The following FAM220A variants were observed in gnomAD, a reference collection of about 807,000 sequenced individuals.
FAM220A encodes the protein protein FAM220A.
For synonymous variants in FAM220A, 141 were observed against 130.7 expected (o/e 1.08, Z -0.54); for missense variants, 392 against 321.6 (o/e 1.22, Z -1.68).
rs375783206 is a variant in FAM220A, at chr7:6,330,948, C to T, written c.207G>A (p.Pro69=). The T allele has an allele frequency of 1.1e-4, 176 of 1,614,246 alleles. No homozygotes were observed. Among genetic ancestry groups the T allele is most frequent in the Non-Finnish European group, 1.3e-4 (155 of 1,180,050 alleles). The change falls in exon 2 of 2, where the codon CCG becomes CCA. Residue 69 remains proline, a synonymous_variant. Coordinates refer to ENST00000313324, the MANE Select transcript of FAM220A (RefSeq NM_001037163.2). ...TGTGAAGCCAGAGGCCAGCCCCGCT[C>T]GGATCCTTTCTCATTTCCAGTGATA... ...EALSLEMRKD[P]SGAGLWLHSG...
In FAM220A at chr7:6,331,124, A is replaced by G; in HGVS notation, c.31T>C (p.Cys11Arg). Residue 11 changes from cysteine (C) to arginine (R), a missense_variant, in exon 2 of 2, where the codon TGC becomes CGC. Coordinates refer to ENST00000313324, the MANE Select transcript of FAM220A (RefSeq NM_001037163.2). MRDRRGPLGT[C>R]LAQVQQAGGG... Reference sequence around the variant, plus strand: ...CCGGCCTGCTGCACTTGTGCCAGGCAGGTGCCGAGGGGCCCTCTTCTGTCC... The same window carrying G: ...CCGGCCTGCTGCACTTGTGCCAGGCGGGTGCCGAGGGGCCCTCTTCTGTCC... 6.2e-7 allele frequency: 1 copy of G among 1,613,204 alleles called. No individual in the cohort carries two copies. Among genetic ancestry groups the G allele is most frequent in the African/African-American group, 1.3e-5 (1 of 75,074 alleles).
chr7:6,334,408 T>C (rs545096243), intron 1 of FAM220A, among the ~76,000 whole-genome samples: 5 of 151,716 alleles, frequency 3.3e-5, no homozygotes, highest in South Asian at 2.1e-4. Context: ...TGGTGGAGCA[T>C]GCCTGTAGTC....
At chr7:6,343,813 A>C (rs1174868409) in intron 1 of FAM220A, among the ~76,000 whole-genome samples, 1 of 152,068 alleles carries the variant, frequency 6.6e-6, no homozygotes, top group Non-Finnish European at 1.5e-5. Context: ...GGGGCTCCCT[A>C]AACAAATTTG....
chr7:6,343,030 C>T (rs1377344971), intron 1 of FAM220A, among the ~76,000 whole-genome samples: 1 of 127,432 alleles, frequency 7.8e-6, no homozygotes, highest in Admixed American at 8.5e-5. Context: ...GAGGAAGACG[C>T]TTTCTCAAAA....
At chr7:6,336,457 G>A (rs60055081) in intron 1 of FAM220A, among the ~76,000 whole-genome samples, 4,077 of 152,186 alleles carry the variant, frequency 0.027, 210 homozygotes, top group African/African-American at 0.093. Context: ...ATGGCAGGCA[G>A]ATCTCTTGAG....
chr7:6,348,924 T>A lies in FAM220A; in HGVS notation c.-433A>T, dbSNP rs1027764861. On this transcript the variant is annotated 5_prime_UTR_variant, in exon 1 of 2. Coordinates refer to ENST00000313324, the MANE Select transcript of FAM220A (RefSeq NM_001037163.2). Reference sequence around the variant, plus strand: ...AGTCCGCACGTCACGCTCGGAGAAGTGCCTCCGCGAGCAGCCGCCTGTACC... The same window carrying A: ...AGTCCGCACGTCACGCTCGGAGAAGAGCCTCCGCGAGCAGCCGCCTGTACC... 1 of 383,518 alleles carries A rather than the reference T, an allele frequency of 2.6e-6. No individual in the cohort carries two copies. The allele number at this position is 383,518 out of a possible 1,614,324, so 23.8% of individuals were successfully genotyped here. A position where few individuals can be genotyped will look rare whatever the true frequency, so the allele number is the denominator to read the frequency against.
At position 6,330,030 on chromosome 7, in the gene FAM220A, A is replaced by C. The variant is rs191813417; in HGVS notation, c.*345T>G. 4 of 264,520 alleles carry C rather than the reference A, an allele frequency of 1.5e-5. No individual in the cohort carries two copies. The highest frequency in any genetic ancestry group is 4.6e-5 in the African/African-American group (2 of 43,404). 16.4% of individuals were successfully genotyped at this position (264,520 alleles called of 1,614,324 possible). A position where few individuals can be genotyped will look rare whatever the true frequency, so the allele number is the denominator to read the frequency against. The stretch of plus-strand genomic sequence containing the variant: ...TTGGGTGATCAGACAAGTCAAAAGG[A>C]CACACAGGATTTGGGACAGTAGCCC... On this transcript the variant is annotated 3_prime_UTR_variant, in exon 2 of 2. Coordinates refer to ENST00000313324, the MANE Select transcript of FAM220A (RefSeq NM_001037163.2).
intron 1 of FAM220A, among the ~76,000 whole-genome samples, chr7:6,344,708 G>A (rs927120885): frequency 8.6e-5 from 13 of 151,698 alleles, no homozygotes; most frequent in African/African-American, 2.4e-4. Context: ...GTTGAGTCAC[G>A]GCACCTGGCC....
At chr7:6,345,683 A>G (rs1222286886) in intron 1 of FAM220A, among the ~76,000 whole-genome samples, 1 of 152,128 alleles carries the variant, frequency 6.6e-6, no homozygotes, top group East Asian at 1.9e-4. Context: ...CAAAAAGGGG[A>G]GTACAGGAGC....
chr7:6,334,499 ACT>A (rs1485161745), intron 1 of FAM220A, among the ~76,000 whole-genome samples: 1 of 151,964 alleles, frequency 6.6e-6, no homozygotes, highest in Non-Finnish European at 1.5e-5. Flanking sequence ...ATGGAGTCTC[ACT>A]CTGTCACCCA....
intron 1 of FAM220A, among the ~76,000 whole-genome samples, chr7:6,348,002 C>T (rs892973807): frequency 8.6e-5 from 13 of 151,382 alleles, no homozygotes; most frequent in African/African-American, 2.7e-4. Flanking sequence ...CCTGCGCCTC[C>T]CAGGTTCCAG....
chr7:6,338,155 C>G (rs887565835), intron 1 of FAM220A, among the ~76,000 whole-genome samples: 7 of 152,192 alleles, frequency 4.6e-5, no homozygotes, highest in Admixed American at 6.5e-5. Context: ...CAGCCCTCAA[C>G]TAACCTCTTC....
chr7:6,336,999 A>G (rs1005125155), intron 1 of FAM220A, among the ~76,000 whole-genome samples: 1 of 152,010 alleles, frequency 6.6e-6, no homozygotes, highest in Non-Finnish European at 1.5e-5. Context: ...AAAATGTGCT[A>G]AGTATGAACA....
rs1781589576 is a variant in FAM220A at position 6,329,706 on chromosome 7, T to A, written c.*669A>T. 1 of 166,138 alleles carries A rather than the reference T, an allele frequency of 6.0e-6. No individual in the cohort carries two copies. Among genetic ancestry groups the A allele is most frequent in the Admixed American group, 6.6e-5 (1 of 15,248 alleles). 10.3% of individuals were successfully genotyped at this position (166,138 alleles called of 1,614,324 possible). A position where few individuals can be genotyped will look rare whatever the true frequency, so the allele number is the denominator to read the frequency against. On this transcript the variant is annotated 3_prime_UTR_variant, in exon 2 of 2. Transcript: ENST00000313324. ...TTTTTATGTGGGAAATAACTCGATT[T>A]GCTTCTCTGTAACTGAGCTACTTTT...
At chr7:6,339,812 C>T (rs1224184804) in intron 1 of FAM220A, among the ~76,000 whole-genome samples, 1 of 151,894 alleles carries the variant, frequency 6.6e-6, no homozygotes, top group Non-Finnish European at 1.5e-5. Context: ...CCCTCCCGGT[C>T]CCCTGGATGC....
Position 6,348,882 on chromosome 7 carries a change from G to C in FAM220A, c.-391C>G, listed in dbSNP as rs1383391821. 3 of 387,310 alleles carry C rather than the reference G, an allele frequency of 7.7e-6. No homozygotes were observed. The highest frequency in any genetic ancestry group is 1.4e-4 in the South Asian group (1 of 7,084). The allele number at this position is 387,310 out of a possible 1,614,324, so 24.0% of individuals were successfully genotyped here. ...GCGGCGGCTAGACCGGCGGGCGGGC[G>C]GGCCGCAGTGGAGCGGAGTCCGCAC... On this transcript the variant is annotated 5_prime_UTR_variant, in exon 1 of 2. Transcript: ENST00000313324.
At position 6,348,708 on chromosome 7, in the gene FAM220A, G is replaced by T. The variant is rs879070696; in HGVS notation, c.-217C>A. The T allele has an allele frequency of 7.0e-6, 3 of 425,642 alleles. No individual in the cohort carries two copies. In the South Asian group the frequency reaches 1.9e-4, roughly 28 times the overall value. 26.4% of individuals were successfully genotyped at this position (425,642 alleles called of 1,614,324 possible). A position where few individuals can be genotyped will look rare whatever the true frequency, so the allele number is the denominator to read the frequency against. On this transcript the variant is annotated 5_prime_UTR_variant, in exon 1 of 2. Transcript: ENST00000313324. ...TGCAGAAGACCCCATAGGAGCGGGC[G>T]GCGGCCGAGCGCGAGAGCCGGACAG...
At chr7:6,345,049 G>A (rs1781930141) in intron 1 of FAM220A, among the ~76,000 whole-genome samples, 1 of 152,006 alleles carries the variant, frequency 6.6e-6, no homozygotes, top group East Asian at 1.9e-4. Flanking sequence ...CGGCCACTGC[G>A]CCCGGCCAGA....
chr7:6,341,948 A>G (rs1450416907), intron 1 of FAM220A: 1 of 151,932 alleles, frequency 6.6e-6, no homozygotes, highest in African/African-American at 2.4e-5. Flanking sequence ...CAGTGAGCCA[A>G]GATCATACCA....
Sources: allele counts gnomAD v4.1 joint callset (sites outside exome capture counted in the v4.1 genomes callset), GRCh38; gene constraint gnomAD v4.1.1; transcripts MANE v1.5; gene names NCBI Gene and HGNC (gene_info 2026-07-23, HGNC 2026-07-21).